The following BMP8A variants were observed in gnomAD, a reference collection of about 807,000 sequenced individuals.
BMP8A encodes the protein BMP-8A.
Under a neutral mutation model 36.8 loss-of-function variants are expected in BMP8A, and 14 were observed. That is an observed-to-expected ratio of 0.38 (90% confidence interval 0.25 to 0.60). BMP8A has a LOEUF of 0.60. Ranked by LOEUF, BMP8A falls within the 20% of genes least tolerant of loss-of-function variation. The pLI, the probability that BMP8A is intolerant of heterozygous loss-of-function variation, is 0.63. For synonymous variants in BMP8A, 120 were observed against 237.7 expected, an observed-to-expected ratio of 0.50 and a Z score of 4.55; for missense variants, 267 against 551.1, an observed-to-expected ratio of 0.48 and a Z score of 5.16.
At chr1:39,497,767 G>A (rs1029066988) in intron 1 of BMP8A, among the ~76,000 whole-genome samples, 6 of 152,204 alleles carry the variant, frequency 3.9e-5, no homozygotes, top group African/African-American at 1.4e-4. Flanking sequence ...CCCCGTGGCA[G>A]GAAGTTGAGG....
At chr1:39,505,794 C>A (rs1484798309) in intron 1 of BMP8A, among the ~76,000 whole-genome samples, 1 of 151,996 alleles carries the variant, frequency 6.6e-6, no homozygotes, top group Non-Finnish European at 1.5e-5. Context: ...CCAGCCTGGA[C>A]AACACAGTGA....
intron 1 of BMP8A, among the ~76,000 whole-genome samples, chr1:39,492,927 G>A (rs1417830085): frequency 3.3e-5 from 5 of 152,284 alleles, no homozygotes; most frequent in East Asian, 1.9e-4. Context: ...CCTGGTATAG[G>A]GTGAGTGTCC....
At chr1:39,494,135 C>A (rs1359218556) in intron 1 of BMP8A, among the ~76,000 whole-genome samples, 1 of 152,194 alleles carries the variant, frequency 6.6e-6, no homozygotes, top group Non-Finnish European at 1.5e-5. Context: ...GAGGGTGAAC[C>A]TGGACCTGGG....
chr1:39,492,158 G>A lies in BMP8A; in HGVS notation c.167G>A (p.Gly56Glu). 1 of 1,282,072 alleles carries A rather than the reference G, an allele frequency of 7.8e-7. No homozygotes were observed. The highest frequency in any genetic ancestry group is 1.6e-5 in the African/African-American group (1 of 63,966). The allele number at this position is 1,282,072 out of a possible 1,614,324, so 79.4% of individuals were successfully genotyped here. A position where few individuals can be genotyped will look rare whatever the true frequency, so the allele number is the denominator to read the frequency against. ...REILAVLGLPGRPRPRAPPAA... is the reference protein window; with the variant it reads ...REILAVLGLPERPRPRAPPAA... The stretch of plus-strand genomic sequence containing the variant: ...ATCCTGGCGGTGCTCGGGCTACCCG[G>A]GCGGCCCCGGCCCCGCGCGCCACCC... Residue 56 changes from glycine to glutamate, a missense_variant, in exon 1 of 7, where the codon GGG (glycine) becomes GAG (glutamate). Physicochemically the swap from Gly to Glu is moderately conservative, Grantham distance 98. Around this residue, in one of 7 missense-constraint regions of BMP8A, gnomAD observed 56 missense variants for 74.1 expected, o/e 0.76. Transcript: ENST00000331593.
chr1:39,497,868 G>A (rs952797081), intron 1 of BMP8A, among the ~76,000 whole-genome samples: 1 of 152,206 alleles, frequency 6.6e-6, no homozygotes, highest in Non-Finnish European at 1.5e-5. Context: ...CCCTGTCTGT[G>A]TGGGGGCCAA....
chr1:39,500,632 C>CAA (rs34380723), intron 1 of BMP8A, among the ~76,000 whole-genome samples: 44 of 102,258 alleles, frequency 4.3e-4, no homozygotes, highest in African/African-American at 5.0e-4. Context: ...GAGTAATTTA[C>CAA]AAAAAAAAAA....
intron 1 of BMP8A, among the ~76,000 whole-genome samples, chr1:39,503,508 C>CTTTTT (rs35892449): frequency 1.4e-5 from 1 of 69,958 alleles, no homozygotes; most frequent in African/African-American, 5.6e-5. Context: ...TACAGTCTTT[C>CTTTTT]TTTTTTTTTT....
rs369981354 is a variant in BMP8A at position 39,505,985 on chromosome 1, C to CAAAAAAAAAAAA, written c.335-5189_335-5188insAAAAAAAAAAAA. Among the ~76,000 whole-genome samples, 6 of 93,914 alleles carry CAAAAAAAAAAAA rather than the reference C, an allele frequency of 6.4e-5. 3 individuals carry two copies. The highest frequency in any genetic ancestry group is 4.0e-5 in the Non-Finnish European group (2 of 49,782). The allele number at this position is 93,914 out of a possible 152,430, so 61.6% of individuals were successfully genotyped here. ...TGGGTGACAGAGCAAGACCCTGTCTCCAAAAAAAAAAAAAAAAAAAAGTGT... is the reference window on the plus strand; with the variant it reads ...TGGGTGACAGAGCAAGACCCTGTCTCAAAAAAAAAAAACAAAAAAAAAAAAAAAAAAAAGTGT... On this transcript the variant is annotated intron_variant, in intron 1 of 6. Transcript: ENST00000331593.
intron 1 of BMP8A, among the ~76,000 whole-genome samples, chr1:39,501,716 G>A (rs1314358365): frequency 3.3e-5 from 5 of 152,132 alleles, no homozygotes; most frequent in Non-Finnish European, 5.9e-5. Context: ...CTCCTGCCTG[G>A]CCTCCCAAAG....
At chr1:39,499,066 G>A (rs984425799) in intron 1 of BMP8A, among the ~76,000 whole-genome samples, 2 of 152,216 alleles carry the variant, frequency 1.3e-5, no homozygotes, top group African/African-American at 4.8e-5. Flanking sequence ...AGCCTCCCAT[G>A]TCCACCCACA....
chr1:39,525,576 G>GGGGCGGGGCTAGGTGGGTCCTC (rs1645474425), intron 6 of BMP8A, 73 bp from the exon 7 acceptor site: 1 of 1,564,334 alleles, frequency 6.4e-7, no homozygotes, highest in African/African-American at 1.4e-5. Flanking sequence ...AGGTGGAGCT[G>GGGGCGGGGCTAGGTGGGTCCTC]GGGCGGGGCT....
At position 39,495,202 on chromosome 1, in the gene BMP8A, G is replaced by C. The variant is rs2463264; in HGVS notation, c.334+2877G>C. On this transcript the variant is annotated intron_variant, in intron 1 of 6. Coordinates refer to ENST00000331593, the MANE Select transcript of BMP8A (RefSeq NM_181809.4). ...CACCTCTCCTATCAGCCTCATCTGA[G>C]TCCTGAAAAGCCAGGCCTGGTGCCC... 6.4e-4 allele frequency among the ~76,000 whole-genome samples: 98 copies of C among 152,308 alleles called. 1 individual carries two copies. The highest frequency in any genetic ancestry group is 1.2e-3 in the Non-Finnish European group (81 of 68,002).
intron 1 of BMP8A, among the ~76,000 whole-genome samples, chr1:39,503,650 G>C (rs536405873): frequency 2.0e-5 from 3 of 151,770 alleles, no homozygotes; most frequent in African/African-American, 7.2e-5. Context: ...GAGTAGCTGG[G>C]ACTACAGGCA....
chr1:39,507,998 T>C (rs916720725), intron 1 of BMP8A, among the ~76,000 whole-genome samples: 7 of 152,168 alleles, frequency 4.6e-5, no homozygotes, highest in African/African-American at 1.7e-4. Context: ...ACGCTTGTAA[T>C]CCCAGCACTT....
chr1:39,519,079 C>T (rs986586234), intron 3 of BMP8A, among the ~76,000 whole-genome samples: 2 of 109,598 alleles, frequency 1.8e-5, no homozygotes, highest in Non-Finnish European at 1.9e-5. Context: ...ATGCGACATT[C>T]TATCCTGTGT....
At chr1:39,506,369 C>T (rs890189158) in intron 1 of BMP8A, among the ~76,000 whole-genome samples, 1 of 152,036 alleles carries the variant, frequency 6.6e-6, no homozygotes, top group African/African-American at 2.4e-5. Context: ...CCACCACGCC[C>T]AGCTAATTTT....
Position 39,522,432 on chromosome 1 carries a change from G to A in BMP8A, c.898G>A (p.Val300Ile). Residue 300 changes from valine to isoleucine, a missense_variant, in exon 5 of 7, where the codon GTC (valine) becomes ATC (isoleucine). By Grantham distance (29) the Val-to-Ile change is conservative. Transcript: ENST00000331593. ...DDVRGSHGRQ[V>I]CRRHELYVSF... is the part of the protein sequence containing the mutation. Reference sequence around the variant, plus strand: ...CGTCCGCGGCTCCCACGGCCGGCAGGTCTGCCGTCGGCACGAGCTCTACGT... The same window carrying A: ...CGTCCGCGGCTCCCACGGCCGGCAGATCTGCCGTCGGCACGAGCTCTACGT... 6.2e-7 allele frequency: 1 copy of A among 1,612,990 alleles called. No homozygotes were observed. Among genetic ancestry groups the A allele is most frequent in the South Asian group, 1.1e-5 (1 of 90,850 alleles).
Position 39,524,074 on chromosome 1 carries a change from A to G in BMP8A, c.1059+957A>G, listed in dbSNP as rs1462412920. Reference sequence around the variant, plus strand: ...CCAAAAGCTGCTCTGAGCCTATGATAATACTTCCTTTCTGGGCAGTCAAAT... The same window carrying G: ...CCAAAAGCTGCTCTGAGCCTATGATGATACTTCCTTTCTGGGCAGTCAAAT... On this transcript the variant is annotated intron_variant, in intron 6 of 6. Transcript: ENST00000331593. This position sits in a 1 kb window ranked among gnomAD's most constrained non-coding sequence, Gnocchi z 4.0. 1.3e-5 allele frequency among the ~76,000 whole-genome samples: 2 copies of G among 152,196 alleles called. No individual in the cohort carries two copies. Among genetic ancestry groups the G allele is most frequent in the Non-Finnish European group, 2.9e-5 (2 of 68,036 alleles).
chr1:39,518,099 G>A (rs1465677703), intron 3 of BMP8A, among the ~76,000 whole-genome samples: 1 of 152,064 alleles, frequency 6.6e-6, no homozygotes, highest in Non-Finnish European at 1.5e-5. Context: ...TTAAGATTGT[G>A]TGTGTGTGTG....
Sources: allele counts gnomAD v4.1 joint callset (sites outside exome capture counted in the v4.1 genomes callset), GRCh38; gene constraint gnomAD v4.1.1; regional missense constraint gnomAD v4.1.1; non-coding constraint Gnocchi (gnomAD v3.1); transcripts MANE v1.5; gene names NCBI Gene and HGNC (gene_info 2026-07-23, HGNC 2026-07-21).